Variants in PPP2R2C observed in about 807,000 individuals in gnomAD.
PPP2R2C encodes the protein protein phosphatase 2, regulatory subunit B, gamma.
Under a neutral mutation model 45.3 loss-of-function variants are expected in PPP2R2C, and 10 were observed. That is an observed-to-expected ratio of 0.22 (90% confidence interval 0.14 to 0.37). PPP2R2C has a LOEUF of 0.37. PPP2R2C is among the 10% of genes least tolerant of loss of function. PPP2R2C has a pLI of 1.00. For missense variants in PPP2R2C, 308 were observed against 619.7 expected, an observed-to-expected ratio of 0.50 and a Z score of 5.34; for synonymous variants, 257 against 245.4, an observed-to-expected ratio of 1.05 and a Z score of -0.44.
chr4:6,401,786 G>A (rs1359299806), intron 1 of PPP2R2C, among the ~76,000 whole-genome samples: 2 of 152,204 alleles, frequency 1.3e-5, no homozygotes, highest in African/African-American at 4.8e-5. Context: ...CTGGAGAACA[G>A]CGCTATTTAT....
intron 1 of PPP2R2C, among the ~76,000 whole-genome samples, chr4:6,434,217 C>T (rs1293561977): frequency 1.3e-5 from 2 of 152,176 alleles, no homozygotes; most frequent in African/African-American, 4.8e-5. Flanking sequence ...CATTGCTATC[C>T]ACTATCACGC....
chr4:6,344,640 G>T (rs1172524253), intron 6 of PPP2R2C, among the ~76,000 whole-genome samples: 1 of 152,138 alleles, frequency 6.6e-6, no homozygotes, highest in Admixed American at 6.6e-5. Flanking sequence ...AATCCATCAT[G>T]AAAGTAAAAA....
At position 6,530,807 on chromosome 4, in the gene PPP2R2C, A is replaced by G. The variant is rs199576547; in HGVS notation, c.49+4464T>C. On this transcript the variant is annotated intron_variant, in intron 2 of 9. Coordinates refer to the PPP2R2C transcript ENST00000506140. ...GCGACCACTGTAAGTGGCCATCCCA[A>G]CTAAACCTCAAGGCAAAACGCAAGG... Among the ~76,000 whole-genome samples the G allele has an allele frequency of 2.0e-5, 3 of 152,328 alleles. No homozygotes were observed. In the East Asian group the frequency reaches 5.8e-4, roughly 29 times the overall value.
In PPP2R2C at chr4:6,347,990, C is replaced by T. The variant is rs1239262134; in HGVS notation, c.646G>A (p.Ala216Thr). 4.3e-6 allele frequency: 7 copies of T among 1,613,774 alleles called. No individual in the cohort carries two copies. In the Admixed American group the frequency reaches 5.0e-5, roughly 12 times the overall value. Residue 216 changes from alanine (A) to threonine (T), a missense_variant, in exon 6 of 9, where the codon GCC (alanine) becomes ACC (threonine). Ala to Thr is a moderately conservative substitution (Grantham distance 58). Coordinates refer to ENST00000382599, the MANE Select transcript of PPP2R2C (RefSeq NM_020416.4). ...ACCTCCGTAAGGTCCTCCATGTTGG[C>T]CGGCTTGATGTCCACGATGTCTGGG... ...RSFNIVDIKP[A>T]NMEDLTEVIT...
chr4:6,543,569 A>C (rs1230782933), intron 1 of PPP2R2C, among the ~76,000 whole-genome samples: 2 of 152,126 alleles, frequency 1.3e-5, no homozygotes, highest in Non-Finnish European at 2.9e-5. Flanking sequence ...AAAAATACAA[A>C]AATTAGCTGG....
intron 1 of PPP2R2C, among the ~76,000 whole-genome samples, chr4:6,454,935 C>G (rs1354615177): frequency 2.6e-5 from 4 of 152,214 alleles, no homozygotes; most frequent in Non-Finnish European, 1.5e-5. Context: ...GCCATGAAGA[C>G]AAAATAGTTA....
At chr4:6,337,935 T>G (rs1455668301) in intron 6 of PPP2R2C, among the ~76,000 whole-genome samples, 1 of 152,024 alleles carries the variant, frequency 6.6e-6, no homozygotes, top group Non-Finnish European at 1.5e-5. Context: ...TTTTTAGACG[T>G]TTCTATGAAA....
intron 2 of PPP2R2C, among the ~76,000 whole-genome samples, chr4:6,509,736 G>C (rs1052655469): frequency 6.6e-6 from 1 of 152,224 alleles, no homozygotes. Flanking sequence ...ATGCCTGTGA[G>C]TCACGCTCCA....
At position 6,383,154 on chromosome 4, in the gene PPP2R2C, C is replaced by T. The variant is rs1715976647; in HGVS notation, c.71-2060G>A. ...AGGTACTGGGGGTTGCCATCAACGCCTCTGGCGGTACCAGGAGCAGGACCT... is the reference window on the plus strand; with the variant it reads ...AGGTACTGGGGGTTGCCATCAACGCTTCTGGCGGTACCAGGAGCAGGACCT... On this transcript the variant is annotated intron_variant, in intron 1 of 8. Transcript: ENST00000382599. 5.1e-5 allele frequency: 60 copies of T among 1,170,846 alleles called. No individual in the cohort carries two copies. The South Asian group carries it at 8.6e-4, about 17-fold the overall frequency. 72.5% of individuals were successfully genotyped at this position (1,170,846 alleles called of 1,614,324 possible).
intron 2 of PPP2R2C, among the ~76,000 whole-genome samples, chr4:6,507,177 T>C (rs1037121605): frequency 6.6e-6 from 1 of 152,230 alleles, no homozygotes; most frequent in South Asian, 2.1e-4. Context: ...CAATGCCTGG[T>C]GTAGACATCT....
At chr4:6,349,577 G>A (rs1712339964) in intron 5 of PPP2R2C, 7 of 985,362 alleles carry the variant, frequency 7.1e-6, no homozygotes, top group Non-Finnish European at 8.4e-6. Flanking sequence ...TAAGAAAGCA[G>A]TATTTGTAAT....
At chr4:6,465,974 T>C (rs1489655498) in intron 1 of PPP2R2C, among the ~76,000 whole-genome samples, 1 of 152,200 alleles carries the variant, frequency 6.6e-6, no homozygotes, top group African/African-American at 2.4e-5. Context: ...TCATTTTCAG[T>C]GTCAGCGATT....
intron 2 of PPP2R2C, among the ~76,000 whole-genome samples, chr4:6,487,816 CCTCT>C (rs140823474): frequency 0.017 from 2,555 of 152,212 alleles, 74 homozygotes; most frequent in African/African-American, 0.059. Flanking sequence ...CCCTTCCTCT[CCTCT>C]CTTTCAGAAA....
At chr4:6,556,702 T>C (rs4380587) in intron 1 of PPP2R2C, among the ~76,000 whole-genome samples, 13,343 of 152,032 alleles carry the variant, frequency 0.088, 1,365 homozygotes, top group East Asian at 0.23. Flanking sequence ...AACCCATGCA[T>C]TAGTGTAGAT....
intron 1 of PPP2R2C, among the ~76,000 whole-genome samples, chr4:6,462,729 TG>T (rs1721392813): frequency 1.3e-5 from 2 of 152,312 alleles, no homozygotes; most frequent in Admixed American, 6.5e-5. Flanking sequence ...ATAACAGCAC[TG>T]GGCTACAAGA....
At chr4:6,342,384 T>G (rs1268774484) in intron 6 of PPP2R2C, among the ~76,000 whole-genome samples, 1 of 152,164 alleles carries the variant, frequency 6.6e-6, no homozygotes, top group Non-Finnish European at 1.5e-5. Flanking sequence ...TGTATTCAAC[T>G]TCCTCATCTG....
At chr4:6,410,285 T>C (rs900457542) in intron 1 of PPP2R2C, among the ~76,000 whole-genome samples, 1 of 152,204 alleles carries the variant, frequency 6.6e-6, no homozygotes, top group African/African-American at 2.4e-5. Context: ...AAGCGTCCCA[T>C]GTTCTACAAA....
intron 6 of PPP2R2C, among the ~76,000 whole-genome samples, chr4:6,343,292 G>C (rs188867657): frequency 1.8e-4 from 28 of 152,308 alleles, no homozygotes; most frequent in African/African-American, 6.3e-4. Context: ...AGCTGTAAAA[G>C]CATGCTAAAA....
At chr4:6,511,151 T>C (rs1723437858) in intron 2 of PPP2R2C, among the ~76,000 whole-genome samples, 1 of 152,204 alleles carries the variant, frequency 6.6e-6, no homozygotes, top group Admixed American at 6.5e-5. Context: ...TTGCATGCGG[T>C]TTAGTGAGTG....
Sources: allele counts gnomAD v4.1 joint callset (sites outside exome capture counted in the v4.1 genomes callset), GRCh38; gene constraint gnomAD v4.1.1; transcripts MANE v1.5; gene names NCBI Gene and HGNC (gene_info 2026-07-23, HGNC 2026-07-21).